Variants in MAGI2 observed in about 807,000 individuals in gnomAD.
MAGI2 encodes membrane associated guanylate kinase, WW and PDZ domain containing 2, also known as membrane-associated guanylate kinase, WW and PDZ domain-containing protein 2.
MAGI2 carries 35 observed loss-of-function variants against 133.3 expected under a neutral mutation model. That is an observed-to-expected ratio of 0.26 (90% confidence interval 0.20 to 0.35). The LOEUF (loss-of-function observed/expected upper bound fraction) is 0.35, where lower values mean the gene tolerates loss of function less well. Ranked by LOEUF, MAGI2 falls within the 10% of genes least tolerant of loss-of-function variation. MAGI2 has a pLI of 1.00. For synonymous variants in MAGI2, 729 were observed against 710.6 expected, an observed-to-expected ratio of 1.03 and a Z score of -0.41; for missense variants, 1,636 against 1,863.4, an observed-to-expected ratio of 0.88 and a Z score of 2.25.
intron 2 of MAGI2, among the ~76,000 whole-genome samples, chr7:78,639,459 G>A (rs1019614495): frequency 2.3e-4 from 35 of 152,152 alleles, no homozygotes; most frequent in African/African-American, 8.2e-4. Flanking sequence ...AGCTTTGGAT[G>A]AGGTGCTTTT....
chr7:78,954,442 G>T (rs1165440243), intron 2 of MAGI2, among the ~76,000 whole-genome samples: 1 of 152,090 alleles, frequency 6.6e-6, no homozygotes, highest in South Asian at 2.1e-4. Flanking sequence ...GGAGGTCAGG[G>T]TATAGTGAAA....
intron 6 of MAGI2, among the ~76,000 whole-genome samples, chr7:78,466,547 G>A (rs1790652846): frequency 6.6e-6 from 1 of 152,152 alleles, no homozygotes; most frequent in Non-Finnish European, 1.5e-5. Context: ...AAAATAGGTG[G>A]TGGCTGCCAA....
chr7:78,506,628 A>C (rs1357244945), intron 4 of MAGI2, among the ~76,000 whole-genome samples: 2 of 152,234 alleles, frequency 1.3e-5, no homozygotes, highest in African/African-American at 2.4e-5. Flanking sequence ...AGGGTGTTGA[A>C]GACAAGACAC....
chr7:78,227,850 T>TGTGTGTGTGTGTGTGTG (rs1789549829), intron 10 of MAGI2, among the ~76,000 whole-genome samples: 3 of 145,546 alleles, frequency 2.1e-5, no homozygotes, highest in Non-Finnish European at 4.5e-5. Flanking sequence ...TCTTACTCAG[T>TGTGTGTGTGTGTGTGTG]TGTGTGTGTG....
At chr7:78,356,878 T>C (rs533094056) in intron 7 of MAGI2, among the ~76,000 whole-genome samples, 1 of 152,362 alleles carries the variant, frequency 6.6e-6, no homozygotes, top group African/African-American at 2.4e-5. Flanking sequence ...TGAGTGGTCC[T>C]TCTCTTCCAT....
intron 6 of MAGI2, among the ~76,000 whole-genome samples, chr7:78,441,726 C>A (rs1455814738): frequency 6.6e-6 from 1 of 151,920 alleles, no homozygotes; most frequent in Non-Finnish European, 1.5e-5. Context: ...CCAAAGCATC[C>A]CACCTACACA....
intron 2 of MAGI2, among the ~76,000 whole-genome samples, chr7:78,849,092 C>T (rs1273214089): frequency 6.6e-6 from 1 of 152,038 alleles, no homozygotes. Flanking sequence ...TTTAGAAACT[C>T]TATTCTAATT....
At chr7:78,305,535 A>G (rs1584804192) in intron 9 of MAGI2, among the ~76,000 whole-genome samples, 1 of 152,134 alleles carries the variant, frequency 6.6e-6, no homozygotes, top group South Asian at 2.1e-4. Flanking sequence ...ACAGATTGCT[A>G]CTGTGTTCTA....
At chr7:79,025,654 AC>A (rs34972952) in intron 1 of MAGI2, among the ~76,000 whole-genome samples, 89,295 of 151,872 alleles carry the variant, frequency 0.59, 26,570 homozygotes, top group East Asian at 0.63. Context: ...TAGAGGAAGG[AC>A]CATGGGAAGA....
intron 20 of MAGI2, among the ~76,000 whole-genome samples, chr7:78,091,052 ATGTGTGTGTGTGTG>A (rs3084764): frequency 2.7e-4 from 41 of 150,120 alleles, no homozygotes; most frequent in African/African-American, 9.3e-4. Context: ...ATGTGTGTGT[ATGTGTGTGTGTGTG>A]TGTGTGTGTG....
At chr7:78,344,658 C>A (rs1790718692) in intron 8 of MAGI2, among the ~76,000 whole-genome samples, 1 of 152,124 alleles carries the variant, frequency 6.6e-6, no homozygotes, top group Admixed American at 6.5e-5. Flanking sequence ...TTAGTATACT[C>A]TAAAATGTGA....
At chr7:78,058,478 C>CTT (rs61113351) in intron 21 of MAGI2, among the ~76,000 whole-genome samples, 30,094 of 146,660 alleles carry the variant, frequency 0.21, 3,428 homozygotes, top group Middle Eastern at 0.27. Context: ...CTTAAAATTC[C>CTT]TTTTTTTTTT....
intron 1 of MAGI2, among the ~76,000 whole-genome samples, chr7:79,115,854 G>GTTTTTTGT (rs1819349263): frequency 5.3e-5 from 5 of 93,946 alleles, no homozygotes; most frequent in African/African-American, 2.2e-4. Flanking sequence ...ATGTTTTAAA[G>GTTTTTTGT]TTTTTTTTTT....
intron 3 of MAGI2, among the ~76,000 whole-genome samples, chr7:78,535,876 C>CCCT (rs1554462566): frequency 6.8e-6 from 1 of 147,598 alleles, no homozygotes; most frequent in Non-Finnish European, 1.5e-5. Flanking sequence ...GTGTACACCC[C>CCCT]CCCCGCCCAC....
intron 16 of MAGI2, among the ~76,000 whole-genome samples, chr7:78,158,658 A>C (rs1281098665): frequency 1.3e-5 from 2 of 152,188 alleles, no homozygotes; most frequent in South Asian, 4.1e-4. Context: ...GGCCAAGCTA[A>C]CTTTGAGAAG....
intron 2 of MAGI2, among the ~76,000 whole-genome samples, chr7:78,659,820 T>G (rs1812737054): frequency 6.6e-6 from 1 of 152,196 alleles, no homozygotes; most frequent in Admixed American, 6.5e-5. Context: ...TCCCTCTGTA[T>G]GATGTCATAC....
At chr7:78,219,418 G>A (rs1183530347) in intron 10 of MAGI2, among the ~76,000 whole-genome samples, 1 of 152,104 alleles carries the variant, frequency 6.6e-6, no homozygotes, top group East Asian at 1.9e-4. Flanking sequence ...ACTTCATTTT[G>A]CTGAATCTGC....
At chr7:78,580,260 TATC>T (rs1461848963) in intron 3 of MAGI2, among the ~76,000 whole-genome samples, 2 of 152,152 alleles carry the variant, frequency 1.3e-5, no homozygotes, top group African/African-American at 4.8e-5. Flanking sequence ...AGAGCAATAT[TATC>T]ATGTACCCAT....
intron 5 of MAGI2, among the ~76,000 whole-genome samples, chr7:78,495,589 C>T (rs1384440669): frequency 6.6e-6 from 1 of 152,074 alleles, no homozygotes; most frequent in East Asian, 1.9e-4. Flanking sequence ...TTCAAGACTC[C>T]ATTCACCCAA....
Sources: gnomAD v4.1 joint callset for allele counts (sites outside exome capture counted in the v4.1 genomes callset) on GRCh38, gnomAD v4.1.1 for gene constraint, MANE v1.5 for transcripts, NCBI Gene and HGNC (gene_info 2026-07-23, HGNC 2026-07-21) for gene names.